Variants in ZBTB8A observed in about 807,000 individuals in gnomAD.
The protein encoded by ZBTB8A is zinc finger and BTB domain-containing protein 8A.
ZBTB8A carries 19 observed loss-of-function variants against 37.8 expected under a neutral mutation model. That is an observed-to-expected ratio of 0.50 (90% confidence interval 0.35 to 0.74). The LOEUF (loss-of-function observed/expected upper bound fraction) is 0.74, where lower values mean the gene tolerates loss of function less well. ZBTB8A is among the 30% of genes least tolerant of loss of function. ZBTB8A has a pLI of 0.01. For synonymous variants in ZBTB8A, 181 were observed against 185.2 expected (o/e 0.98, Z 0.19); for missense variants, 394 against 537.8 (o/e 0.73, Z 2.65).
At chr1:32,584,168 C>G (rs1269952366) in intron 2 of ZBTB8A, among the ~76,000 whole-genome samples, 2 of 152,030 alleles carry the variant, frequency 1.3e-5, no homozygotes, top group Non-Finnish European at 2.9e-5. Context: ...CCAAGGAACA[C>G]CTAGGGCCAC....
At chr1:32,592,032 G>T (rs1312184760) in intron 2 of ZBTB8A, among the ~76,000 whole-genome samples, 1 of 151,704 alleles carries the variant, frequency 6.6e-6, no homozygotes, top group African/African-American at 2.4e-5. Context: ...TAGTAGAGAC[G>T]GGGTTTCACC....
chr1:32,594,918 T>C (rs1644518163), intron 3 of ZBTB8A, 136 bp from the exon 4 acceptor site: 1 of 962,296 alleles, frequency 1.0e-6, no homozygotes. Flanking sequence ...ACCAACTCCT[T>C]GTGAATTCTT....
intron 1 of ZBTB8A, among the ~76,000 whole-genome samples, 166 bp downstream of exon 1, chr1:32,539,738 G>GA (rs1644033849): frequency 8.5e-4 from 1 of 1,178 alleles, no homozygotes; most frequent in Non-Finnish European, 1.7e-3. Flanking sequence ...AGCGCGGCGG[G>GA]AGGCGCCCGG....
In ZBTB8A at chr1:32,601,521, G is replaced by T; in HGVS notation, c.*1102G>T. 2.5e-6 allele frequency: 1 copy of T among 397,506 alleles called. No homozygotes were observed. The highest frequency in any genetic ancestry group is 1.3e-4 in the South Asian group (1 of 7,746). The allele number at this position is 397,506 out of a possible 1,614,324, so 24.6% of individuals were successfully genotyped here. A position where few individuals can be genotyped will look rare whatever the true frequency, so the allele number is the denominator to read the frequency against. ...TAGGAGGTTCTTACCATATGTGAGTGATTTCTAACGTTTATGTAGTGCTAT... is the reference window on the plus strand; with the variant it reads ...TAGGAGGTTCTTACCATATGTGAGTTATTTCTAACGTTTATGTAGTGCTAT... On this transcript the variant is annotated 3_prime_UTR_variant, in exon 5 of 5. Coordinates refer to ENST00000373510, the MANE Select transcript of ZBTB8A (RefSeq NM_001040441.3).
chr1:32,594,223 C>A (rs1644512293), intron 3 of ZBTB8A, among the ~76,000 whole-genome samples: 1 of 150,938 alleles, frequency 6.6e-6, no homozygotes, highest in African/African-American at 2.4e-5. Context: ...AAATTCATTT[C>A]ATAAAACGTG....
intron 4 of ZBTB8A, among the ~76,000 whole-genome samples, chr1:32,596,356 C>G (rs368931488): frequency 1.4e-5 from 2 of 144,656 alleles, no homozygotes; most frequent in Non-Finnish European, 3.0e-5. Context: ...GGCGACTGAG[C>G]GAGACTCCAT....
intron 2 of ZBTB8A, among the ~76,000 whole-genome samples, chr1:32,585,362 AGAGAG>A (rs981844056): frequency 2.0e-5 from 3 of 152,050 alleles, no homozygotes; most frequent in Non-Finnish European, 4.4e-5. Context: ...TTAGCTAATA[AGAGAG>A]GTTGCTACAT....
At chr1:32,588,048 G>A (rs1035581599) in intron 2 of ZBTB8A, among the ~76,000 whole-genome samples, 1 of 152,092 alleles carries the variant, frequency 6.6e-6, no homozygotes. Flanking sequence ...AGCTCCAAGC[G>A]CTTCCCACGT....
At chr1:32,575,602 A>T in intron 2 of ZBTB8A, among the ~76,000 whole-genome samples, 1 of 151,344 alleles carries the variant, frequency 6.6e-6, no homozygotes, top group Non-Finnish European at 1.5e-5. Flanking sequence ...TAATCCCAAT[A>T]CTTTGAGGGT....
chr1:32,594,299 C>T (rs1252726855), intron 3 of ZBTB8A, among the ~76,000 whole-genome samples: 1 of 151,686 alleles, frequency 6.6e-6, no homozygotes, highest in South Asian at 2.1e-4. Flanking sequence ...AATAAGAATA[C>T]TAAGGGTCAA....
At chr1:32,574,753 G>A (rs1025302883) in intron 2 of ZBTB8A, among the ~76,000 whole-genome samples, 1 of 152,044 alleles carries the variant, frequency 6.6e-6, no homozygotes, top group African/African-American at 2.4e-5. Context: ...GTCCAAGTTG[G>A]TTGATAGTAT....
chr1:32,591,447 G>A (rs542676769), intron 2 of ZBTB8A, among the ~76,000 whole-genome samples: 2 of 152,098 alleles, frequency 1.3e-5, no homozygotes, highest in Non-Finnish European at 2.9e-5. Flanking sequence ...TCACACTCCT[G>A]GGCTCAAGCT....
intron 2 of ZBTB8A, among the ~76,000 whole-genome samples, chr1:32,558,374 G>A (rs2148222648): frequency 6.6e-6 from 1 of 151,612 alleles, no homozygotes; most frequent in East Asian, 1.9e-4. Context: ...TAGCTACTTA[G>A]AGAAAAATTT....
At chr1:32,539,735 C>CCCTTTCT (rs1287082118) in intron 1 of ZBTB8A, among the ~76,000 whole-genome samples, 163 bp downstream of exon 1, 155 of 826 alleles carry the variant, frequency 0.19, 1 homozygote, top group African/African-American at 0.22. Context: ...GGGAGCGCGG[C>CCCTTTCT]GGGAGGCGCC....
intron 2 of ZBTB8A, among the ~76,000 whole-genome samples, chr1:32,579,267 G>A (rs1459119728): frequency 6.6e-6 from 1 of 151,886 alleles, no homozygotes; most frequent in African/African-American, 2.4e-5. Flanking sequence ...TGACCAACAT[G>A]GTGAAACCCC....
chr1:32,594,201 C>T (rs2504960), intron 3 of ZBTB8A, among the ~76,000 whole-genome samples: 1 of 145,124 alleles, frequency 6.9e-6, no homozygotes, highest in Non-Finnish European at 1.5e-5. Flanking sequence ...CTCAAAAAAA[C>T]AAAAAAAGAA....
At position 32,547,666 on chromosome 1, in the gene ZBTB8A, G is replaced by A. The variant is rs867549154; in HGVS notation, c.-83-5793G>A. Among the ~76,000 whole-genome samples, 7 of 148,344 alleles carry A rather than the reference G, an allele frequency of 4.7e-5. No homozygotes were observed. The South Asian group carries it at 1.3e-3, about 27-fold the overall frequency. On this transcript the variant is annotated intron_variant, in intron 1 of 4. Transcript: ENST00000373510. ...AAAGAAAGAAAAAAAGGCAAAAATG[G>A]TTTCTCAAGAATAATTTGGCACACA...
At chr1:32,569,371 T>C (rs900681852) in intron 2 of ZBTB8A, among the ~76,000 whole-genome samples, 6 of 151,040 alleles carry the variant, frequency 4.0e-5, no homozygotes, top group African/African-American at 1.2e-4. Flanking sequence ...TGGTTTGTGG[T>C]CTGGTTTTCC....
chr1:32,577,782 C>T (rs1644374262), intron 2 of ZBTB8A, among the ~76,000 whole-genome samples: 1 of 151,342 alleles, frequency 6.6e-6, no homozygotes, highest in African/African-American at 2.4e-5. Context: ...GGGGTTTCAC[C>T]AAGTTGTCCA....
Sources: gnomAD v4.1 joint callset for allele counts (sites outside exome capture counted in the v4.1 genomes callset) on GRCh38, gnomAD v4.1.1 for gene constraint, MANE v1.5 for transcripts, NCBI Gene and HGNC (gene_info 2026-07-23, HGNC 2026-07-21) for gene names.